ANK3: variants seen among roughly 807,000 people sequenced by gnomAD.
ANK3 encodes the protein ankyrin 3.
A neutral mutation model predicts 370.9 loss-of-function variants in ANK3; 57 were observed. That is an observed-to-expected ratio of 0.15 (90% CI 0.12 to 0.19). The LOEUF (loss-of-function observed/expected upper bound fraction) is 0.19, where lower values mean the gene tolerates loss of function less well. Among genes scored for constraint, ANK3 ranks in the 10% least tolerant of loss-of-function variants. ANK3 has a pLI of 1.00. For synonymous variants in ANK3, 1,929 were observed against 1,946.3 expected (o/e 0.99, Z 0.23); for missense variants, 4,439 against 5,302.1 (o/e 0.84, Z 5.06).
At chr10:60,097,766 A>G (rs1429493205) in intron 28 of ANK3, among the ~76,000 whole-genome samples, 1 of 152,146 alleles carries the variant, frequency 6.6e-6, no homozygotes, top group Non-Finnish European at 1.5e-5. Flanking sequence ...TCCTGTATCA[A>G]TTTAGATTTC....
chr10:60,693,675 C>T (rs2079394841), intron 1 of ANK3, among the ~76,000 whole-genome samples: 4 of 152,186 alleles, frequency 2.6e-5, no homozygotes, highest in Admixed American at 2.6e-4. Flanking sequence ...TCCAACAGAC[C>T]TGCAGCTGAG....
intron 1 of ANK3, among the ~76,000 whole-genome samples, chr10:60,360,797 G>T (rs927054594): frequency 1.3e-5 from 2 of 151,384 alleles, no homozygotes; most frequent in Non-Finnish European, 2.9e-5. Flanking sequence ...ATTTTTTTTT[G>T]AATAAAAAAT....
chr10:60,069,522 T>G lies in ANK3; in HGVS notation c.11359A>C (p.Asn3787His). ...GAAGAATCCAAATTGTTGTTGTTATTAAAGTTATCTTTTTGAAAATCATGT... is the reference window on the plus strand; with the variant it reads ...GAAGAATCCAAATTGTTGTTGTTATGAAAGTTATCTTTTTGAAAATCATGT... ...EKHDFQKDNF[N>H]NNNNLDSSTI... is the part of the protein sequence containing the mutation. The change falls in exon 37 of 44, where the codon AAT becomes CAT. Residue 3787 changes from asparagine (N) to histidine (H), a missense_variant. Asn to His is a moderately conservative substitution (Grantham distance 68). Transcript: ENST00000280772. 3.1e-6 allele frequency: 5 copies of G among 1,613,384 alleles called. No homozygotes were observed. The highest frequency in any genetic ancestry group is 4.2e-6 in the Non-Finnish European group (5 of 1,179,856).
At chr10:60,090,334 TC>T (rs1193283166) in intron 28 of ANK3, among the ~76,000 whole-genome samples, 3 of 151,856 alleles carry the variant, frequency 2.0e-5, no homozygotes, top group Non-Finnish European at 4.4e-5. Flanking sequence ...AAAATTAAAA[TC>T]TTACCAAAAA....
At chr10:60,279,776 T>A in intron 1 of ANK3, 137 bp from the exon 2 acceptor site, 1 of 710,236 alleles carries the variant, frequency 1.4e-6, no homozygotes, top group Non-Finnish European at 2.3e-6. Flanking sequence ...AAGTTCTTTG[T>A]AAAAAGAACC....
chr10:60,297,270 C>T (rs966514045), intron 1 of ANK3, among the ~76,000 whole-genome samples: 1 of 152,126 alleles, frequency 6.6e-6, no homozygotes, highest in Non-Finnish European at 1.5e-5. Flanking sequence ...ATGGCATTCA[C>T]TACCCAACAT....
chr10:60,078,638 G>T (rs1330827856), intron 36 of ANK3, among the ~76,000 whole-genome samples: 2 of 152,110 alleles, frequency 1.3e-5, no homozygotes, highest in African/African-American at 4.8e-5. Context: ...TATATTTTGG[G>T]ATCCCTTTAT....
chr10:60,186,593 T>G, intron 17 of ANK3, 122 bp downstream of exon 17: 1 of 1,089,894 alleles, frequency 9.2e-7, no homozygotes, highest in Non-Finnish European at 1.4e-6. Context: ...GGTAAACAAC[T>G]TGGTGCAATA....
At chr10:60,257,577 A>T (rs185211866) in intron 7 of ANK3, among the ~76,000 whole-genome samples, 1 of 152,338 alleles carries the variant, frequency 6.6e-6, no homozygotes, top group East Asian at 1.9e-4. Flanking sequence ...AATTGTCTCT[A>T]TAGGTAACTA....
chr10:60,272,176 C>G (rs1360009766), intron 4 of ANK3, among the ~76,000 whole-genome samples: 1 of 151,290 alleles, frequency 6.6e-6, no homozygotes, highest in Non-Finnish European at 1.5e-5. Flanking sequence ...CTTCCCAGTG[C>G]TATGACGCTA....
Position 60,502,065 on chromosome 10 carries a change from C to G in ANK3, c.96+113121G>C, listed in dbSNP as rs114316512. Among the ~76,000 whole-genome samples, 288 of 127,210 alleles carry G rather than the reference C, an allele frequency of 2.3e-3. 2 individuals carry two copies. The highest frequency in any genetic ancestry group is 8.2e-3 in the African/African-American group (276 of 33,630). The allele number at this position is 127,210 out of a possible 152,430, so 83.5% of individuals were successfully genotyped here. On this transcript the variant is annotated intron_variant, in intron 2 of 43. Coordinates refer to the ANK3 transcript ENST00000373827. Reference sequence around the variant, plus strand: ...GATACCCCAAATGACTACAGGATACCCCAAATTTAAGCAAAATAATGGAAA... The same window carrying G: ...GATACCCCAAATGACTACAGGATACGCCAAATTTAAGCAAAATAATGGAAA...
At chr10:60,558,797 T>C (rs190764611) in intron 2 of ANK3, among the ~76,000 whole-genome samples, 1 of 152,288 alleles carries the variant, frequency 6.6e-6, no homozygotes, top group African/African-American at 2.4e-5. Flanking sequence ...AGAGTAAATA[T>C]ATAATTTTCT....
intron 1 of ANK3, among the ~76,000 whole-genome samples, chr10:60,359,582 T>A (rs748231765): frequency 3.0e-4 from 45 of 152,348 alleles, no homozygotes; most frequent in Non-Finnish European, 5.9e-4. Context: ...GATTTATGAT[T>A]TCCTTAGAGT....
At chr10:60,636,523 G>C (rs2078557337) in intron 1 of ANK3, among the ~76,000 whole-genome samples, 3 of 152,184 alleles carry the variant, frequency 2.0e-5, no homozygotes, top group African/African-American at 7.2e-5. Context: ...AAGGCAGACA[G>C]CTAAGATGAA....
At chr10:60,139,225 G>T in intron 23 of ANK3, 138 bp from the exon 24 acceptor site, 1 of 1,049,024 alleles carries the variant, frequency 9.5e-7, no homozygotes, top group Non-Finnish European at 1.4e-6. Flanking sequence ...GATAATTTTT[G>T]AAACTCTCAT....
At chr10:60,042,239 T>G (rs532753960) in intron 43 of ANK3, among the ~76,000 whole-genome samples, 4 of 152,244 alleles carry the variant, frequency 2.6e-5, no homozygotes, top group Non-Finnish European at 5.9e-5. Flanking sequence ...AAGTCACTTA[T>G]TTCAACCAAA....
At chr10:60,697,288 T>A (rs890225457) in intron 1 of ANK3, among the ~76,000 whole-genome samples, 1 of 151,718 alleles carries the variant, frequency 6.6e-6, no homozygotes, top group Non-Finnish European at 1.5e-5. Context: ...TCCATGCTCA[T>A]GGGTAGGAAA....
At chr10:60,032,102 C>A (rs539403148) in intron 43 of ANK3, among the ~76,000 whole-genome samples, 1 of 151,606 alleles carries the variant, frequency 6.6e-6, no homozygotes, top group South Asian at 2.1e-4. Context: ...TACAGTCTCA[C>A]TCCCTGCTTT....
intron 1 of ANK3, among the ~76,000 whole-genome samples, chr10:60,699,532 A>T (rs947624842): frequency 7.2e-5 from 11 of 152,104 alleles, no homozygotes; most frequent in African/African-American, 2.7e-4. Flanking sequence ...CAATAAAAAA[A>T]TTCTTAGCAC....
Sources: allele counts gnomAD v4.1 joint callset (sites outside exome capture counted in the v4.1 genomes callset), GRCh38; gene constraint gnomAD v4.1.1; transcripts MANE v1.5; gene names NCBI Gene and HGNC (gene_info 2026-07-23, HGNC 2026-07-21).